Variants in COL6A5 observed in about 807,000 individuals in gnomAD.
COL6A5 encodes the protein collagen alpha-5(VI) chain.
A neutral mutation model predicts 65.6 loss-of-function variants in COL6A5; 48 were observed. The ratio of observed to expected loss-of-function variants is 0.73; its 90% CI spans 0.58 to 0.93. The LOEUF (loss-of-function observed/expected upper bound fraction) is 0.93, where lower values mean the gene tolerates loss of function less well. Among genes scored for constraint, COL6A5 ranks in the 40% least tolerant of loss-of-function variants. The pLI, the probability that COL6A5 is intolerant of heterozygous loss-of-function variation, is 0.00. For synonymous variants in COL6A5, 291 were observed against 322.8 expected (o/e 0.90, Z 1.05); for missense variants, 914 against 928.3 (o/e 0.98, Z 0.20).
chr3:130,353,327 G>A lies in COL6A5; in HGVS notation c.-29+7346G>A, dbSNP rs545363613. Among the ~76,000 whole-genome samples the A allele has an allele frequency of 5.9e-5, 9 of 152,206 alleles. No homozygotes were observed. In the South Asian group the frequency reaches 1.5e-3, roughly 25 times the overall value. The stretch of plus-strand genomic sequence containing the variant: ...ACAGAAAACCCAAAAGCACCAGTAC[G>A]GGTCTGATGCGAAAATACTTCCACA... On this transcript the variant is annotated intron_variant and NMD_transcript_variant, in intron 1 of 41. Coordinates refer to the COL6A5 transcript ENST00000312481.
intron 1 of COL6A5, among the ~76,000 whole-genome samples, chr3:130,357,039 A>G (rs1934948552): frequency 6.6e-6 from 1 of 152,230 alleles, no homozygotes; most frequent in African/African-American, 2.4e-5. Flanking sequence ...TTAGTAAATG[A>G]AAAATGTCTT....
intron 1 of COL6A5, among the ~76,000 whole-genome samples, chr3:130,357,372 C>T (rs1030253805): frequency 1.3e-5 from 2 of 152,116 alleles, no homozygotes; most frequent in African/African-American, 4.8e-5. Context: ...ATGGGTAATT[C>T]CTTTCAAAAC....
intron 1 of COL6A5, among the ~76,000 whole-genome samples, chr3:130,438,251 TC>T (rs1366606560): frequency 6.6e-6 from 1 of 152,194 alleles, no homozygotes; most frequent in African/African-American, 2.4e-5. Context: ...TGCCTTGGCC[TC>T]CCAAAGTACT....
chr3:130,403,784 T>C (rs551092762), intron 13 of COL6A5, 122 bp downstream of exon 13: 232 of 594,856 alleles, frequency 3.9e-4, no homozygotes, highest in Non-Finnish European at 5.7e-4. Context: ...ACAAAAGGGG[T>C]AGATGGGGTT....
intron 10 of COL6A5, among the ~76,000 whole-genome samples, chr3:130,398,904 T>A (rs1277249368): frequency 1.3e-5 from 2 of 152,186 alleles, no homozygotes; most frequent in Non-Finnish European, 2.9e-5. Flanking sequence ...AGACACCACA[T>A]ACATACAAAA....
intron 4 of COL6A5, among the ~76,000 whole-genome samples, chr3:130,449,840 A>G (rs1009988654): frequency 1.3e-5 from 2 of 152,130 alleles, no homozygotes; most frequent in Non-Finnish European, 2.9e-5. Context: ...GATTAATTTA[A>G]TCTCATCAAC....
chr3:130,409,253 C>T, intron 17 of COL6A5, 73 bp from the exon 18 acceptor site: 2 of 1,195,996 alleles, frequency 1.7e-6, no homozygotes, highest in Non-Finnish European at 2.3e-6. Flanking sequence ...CCCCTACATA[C>T]AAAACTTCAC....
intron 7 of COL6A5, among the ~76,000 whole-genome samples, chr3:130,480,573 G>A (rs529755200): frequency 6.6e-6 from 1 of 152,196 alleles, no homozygotes; most frequent in East Asian, 1.9e-4. Flanking sequence ...GACTCTGTTG[G>A]ATAAGTTAAG....
chr3:130,389,867 A>T (rs917552350), intron 6 of COL6A5, among the ~76,000 whole-genome samples: 22 of 152,132 alleles, frequency 1.4e-4, no homozygotes, highest in African/African-American at 5.1e-4. Flanking sequence ...TAAATCTATC[A>T]TGTGCTATTT....
At chr3:130,484,773 T>G (rs543888015) in exon 8 of COL6A5, 3 of 398,930 alleles carry the variant, frequency 7.5e-6, no homozygotes, top group Non-Finnish European at 1.3e-5. Context: ...ATACTCTATA[T>G]GACCAGAGAT....
chr3:130,468,915 G>T (rs1422453172), exon 6 of COL6A5: 1 of 1,612,420 alleles, frequency 6.2e-7, no homozygotes, highest in Admixed American at 1.7e-5. Flanking sequence ...AGAGTAGGAA[G>T]TGATGAGTTT....
At chr3:130,410,427 A>T (rs1439649338) in intron 19 of COL6A5, 44 bp from the exon 20 acceptor site, 1 of 1,444,852 alleles carries the variant, frequency 6.9e-7, no homozygotes, top group African/African-American at 1.4e-5. Flanking sequence ...TGATTTATTC[A>T]GAATTTTTTC....
At chr3:130,441,418 T>G (rs1222751961) in intron 3 of COL6A5, among the ~76,000 whole-genome samples, 3 of 152,130 alleles carry the variant, frequency 2.0e-5, no homozygotes, top group African/African-American at 7.2e-5. Context: ...ATTGCATGAG[T>G]GCCAGGCTAC....
chr3:130,453,472 C>T lies in COL6A5; in HGVS notation c.1333-1983C>T, dbSNP rs998116542. ...TATAGCACTGCTGAGGCACTTATTA[C>T]GGCCTACCCAAGATCTTATCTTGCT... On this transcript the variant is annotated intron_variant, in intron 4 of 7. Transcript: ENST00000512836. 5.9e-5 allele frequency among the ~76,000 whole-genome samples: 9 copies of T among 152,048 alleles called. 1 individual carries two copies. In the South Asian group the frequency reaches 1.0e-3, roughly 18 times the overall value.
At chr3:130,421,881 G>A (rs1937524827) in intron 27 of COL6A5, among the ~76,000 whole-genome samples, 1 of 151,976 alleles carries the variant, frequency 6.6e-6, no homozygotes, top group African/African-American at 2.4e-5. Context: ...CTGCCAGATA[G>A]AAATCCATCT....
intron 4 of COL6A5, among the ~76,000 whole-genome samples, chr3:130,450,144 G>A (rs537993840): frequency 6.6e-6 from 1 of 152,100 alleles, no homozygotes; most frequent in South Asian, 2.1e-4. Flanking sequence ...GTTTGTGCTG[G>A]GGGTTGCGTT....
chr3:130,423,436 G>T (rs190015459), intron 28 of COL6A5, among the ~76,000 whole-genome samples: 94 of 152,206 alleles, frequency 6.2e-4, no homozygotes, highest in African/African-American at 2.1e-3. Context: ...TCACTTTGGG[G>T]TATGAGAATG....
chr3:130,461,732 T>C (rs1709705016), intron 5 of COL6A5, among the ~76,000 whole-genome samples: 1 of 151,806 alleles, frequency 6.6e-6, no homozygotes, highest in African/African-American at 2.4e-5. Context: ...ATAGTTTTGG[T>C]GGCACAATTC....
At chr3:130,384,416 G>A (rs1936108250) in intron 4 of COL6A5, among the ~76,000 whole-genome samples, 1 of 151,996 alleles carries the variant, frequency 6.6e-6, no homozygotes, top group African/African-American at 2.4e-5. Context: ...AGAGATTATT[G>A]GTGAAGTAAG....
Sources: allele counts gnomAD v4.1 joint callset (sites outside exome capture counted in the v4.1 genomes callset), GRCh38; gene constraint gnomAD v4.1.1; transcripts MANE v1.5; gene names NCBI Gene and HGNC (gene_info 2026-07-23, HGNC 2026-07-21).